The following PHEX variants were observed in gnomAD, a reference collection of about 807,000 sequenced individuals.
PHEX encodes the protein phosphate-regulating neutral endopeptidase PHEX.
PHEX carries 16 observed loss-of-function variants against 68.0 expected under a neutral mutation model. The ratio of observed to expected loss-of-function variants is 0.24; its 90% confidence interval spans 0.16 to 0.36. The LOEUF is 0.36. Among genes scored for constraint, PHEX ranks in the 10% least tolerant of loss-of-function variants. The pLI, the probability that PHEX is intolerant of heterozygous loss-of-function variation, is 1.00. For synonymous variants in PHEX, 208 were observed against 205.1 expected, an observed-to-expected ratio of 1.01 and a Z score of -0.12; for missense variants, 480 against 575.5, an observed-to-expected ratio of 0.83 and a Z score of 1.70.
At chrX:22,060,723 G>T (rs190791748) in intron 3 of PHEX, among the ~76,000 whole-genome samples, 118 of 111,466 alleles carry the variant, frequency 1.1e-3, no homozygotes, top group African/African-American at 3.7e-3. Flanking sequence ...AAGATTGTGG[G>T]CTAAATTTAG....
chrX:22,134,772 C>T (rs923843181), intron 12 of PHEX, among the ~76,000 whole-genome samples: 2 of 111,656 alleles, frequency 1.8e-5, no homozygotes, highest in Non-Finnish European at 3.8e-5. Flanking sequence ...ACCTGGGTTG[C>T]CTGGACGCTC....
chrX:22,089,962 ACT>A (rs891377792), intron 5 of PHEX, among the ~76,000 whole-genome samples: 20 of 112,181 alleles, frequency 1.8e-4, no homozygotes, highest in Admixed American at 2.8e-4. Context: ...TGATTAATCA[ACT>A]CTATACAGAT....
intron 1 of PHEX, among the ~76,000 whole-genome samples, chrX:22,036,041 T>C (rs1248699028): frequency 2.1e-5 from 1 of 47,331 alleles, no homozygotes; most frequent in African/African-American, 8.9e-5. Context: ...CGTACATATA[T>C]ATATATATAT....
Position 22,213,222 on chromosome X carries a change from C to T in PHEX, c.1700+264C>T, listed in dbSNP as rs143761086. Among the ~76,000 whole-genome samples, 2,033 of 111,983 alleles carry T rather than the reference C, an allele frequency of 0.018. 24 individuals carry two copies. The highest frequency in any genetic ancestry group is 0.042 in the Middle Eastern group (9 of 216). On this transcript the variant is annotated intron_variant, in intron 16 of 21. Transcript: ENST00000379374. ...TCTCTTACCCATTAACTCATACTAC[C>T]AGTATTTGGACATTGAAGGATTGTT...
In PHEX at chrX:22,212,930, C is replaced by A; in HGVS notation, c.1672C>A (p.Pro558Thr). The change falls in exon 16 of 22, where the codon CCT becomes ACT. Residue 558 changes from proline to threonine, a missense_variant. By Grantham distance (38) the Pro-to-Thr change is conservative (BLOSUM62 -1). Transcript: ENST00000379374. ...IRFPAGELQK[P>T]FFWGTEYPRS... ...ATTTCCAGCAGGAGAGCTCCAGAAGCCTTTCTTTTGGGGAACAGAATATCC... is the reference window on the plus strand; with the variant it reads ...ATTTCCAGCAGGAGAGCTCCAGAAGACTTTCTTTTGGGGAACAGAATATCC... 1.7e-6 allele frequency: 2 copies of A among 1,205,753 alleles called. No homozygotes were observed. Among genetic ancestry groups the A allele is most frequent in the Non-Finnish European group, 2.2e-6 (2 of 890,092 alleles).
chrX:22,062,539 A>G (rs1404327227), intron 3 of PHEX, among the ~76,000 whole-genome samples: 1 of 111,287 alleles, frequency 9.0e-6, no homozygotes, highest in East Asian at 2.8e-4. Context: ...TGTGGTGCAT[A>G]TCTTAAACTT....
chrX:22,144,208 A>G (rs1358788420), intron 12 of PHEX, among the ~76,000 whole-genome samples: 3 of 111,240 alleles, frequency 2.7e-5, no homozygotes, highest in Non-Finnish European at 3.8e-5. Context: ...GTAAGATGAC[A>G]TGTTCATTTT....
In PHEX at chrX:22,128,727, A is replaced by T. The variant is rs186091266; in HGVS notation, c.1303-4796A>T. On this transcript the variant is annotated intron_variant, in intron 11 of 21. Transcript: ENST00000379374. ...GGACATATTCAACTTTTTATTATTT[A>T]TTGGGTGCTTTCTATTATTGCTACA... Among the ~76,000 whole-genome samples, 4 of 110,870 alleles carry T rather than the reference A, an allele frequency of 3.6e-5. No homozygotes were observed. The East Asian group carries it at 1.1e-3, about 32-fold the overall frequency.
At chrX:22,239,078 C>G (rs964655190) in intron 20 of PHEX, among the ~76,000 whole-genome samples, 4 of 112,015 alleles carry the variant, frequency 3.6e-5, no homozygotes, top group African/African-American at 1.3e-4. Flanking sequence ...CTGGTGATAC[C>G]TAGCCAAACA....
chrX:22,155,832 A>G (rs1449849100), intron 12 of PHEX, among the ~76,000 whole-genome samples: 1 of 111,484 alleles, frequency 9.0e-6, no homozygotes, highest in Non-Finnish European at 1.9e-5. Context: ...GTTTTGAAAA[A>G]TGGGGAAACC....
intron 1 of PHEX, among the ~76,000 whole-genome samples, chrX:22,034,210 A>G (rs1267795500): frequency 8.9e-6 from 1 of 112,113 alleles, no homozygotes; most frequent in Non-Finnish European, 1.9e-5. Context: ...GGTTTAAACA[A>G]GGGTCCTCTG....
intron 9 of PHEX, among the ~76,000 whole-genome samples, chrX:22,108,714 G>T (rs1389775327): frequency 9.0e-6 from 1 of 111,123 alleles, no homozygotes; most frequent in Non-Finnish European, 1.9e-5. Context: ...GGCTGAGGCG[G>T]GAGGATCACC....
At chrX:22,226,650 T>C in intron 19 of PHEX, 142 bp downstream of exon 19, 1 of 557,316 alleles carries the variant, frequency 1.8e-6, no homozygotes, top group Non-Finnish European at 3.2e-6. Context: ...GAAGTGTGTC[T>C]CCCCATTGAC....
intron 13 of PHEX, chrX:22,171,200 T>C (rs966137951): frequency 2.7e-5 from 3 of 111,008 alleles, no homozygotes; most frequent in African/African-American, 9.8e-5. Context: ...CCTACAATCA[T>C]GGCGGAAAGT....
intron 16 of PHEX, among the ~76,000 whole-genome samples, chrX:22,216,110 G>A (rs150632711): frequency 2.3e-3 from 255 of 111,555 alleles, no homozygotes; most frequent in African/African-American, 7.5e-3. Flanking sequence ...ACCCAAGCAG[G>A]GTATTATAAC....
chrX:22,136,210 C>T (rs1012468122), intron 12 of PHEX, among the ~76,000 whole-genome samples: 6 of 110,923 alleles, frequency 5.4e-5, no homozygotes, highest in Non-Finnish European at 1.1e-4. Context: ...TTTTTCTCTG[C>T]TGTCCTCGAT....
intron 1 of PHEX, among the ~76,000 whole-genome samples, chrX:22,034,131 C>T (rs1163039649): frequency 6.3e-5 from 7 of 111,812 alleles, no homozygotes; most frequent in Admixed American, 9.6e-5. Context: ...TCTGATAAAG[C>T]GAAATCTCCT....
chrX:22,114,374 C>T (rs1931136952), intron 10 of PHEX, 84 bp from the exon 11 acceptor site: 1 of 899,295 alleles, frequency 1.1e-6, no homozygotes. Context: ...GTTTTGTAGA[C>T]TGTTTTCTTC....
At chrX:22,225,406 T>C (rs1935458273) in intron 18 of PHEX, among the ~76,000 whole-genome samples, 1 of 111,702 alleles carries the variant, frequency 9.0e-6, no homozygotes, top group Non-Finnish European at 1.9e-5. Flanking sequence ...AGGTAACATA[T>C]TCACAGATTC....
Sources: allele counts gnomAD v4.1 joint callset (sites outside exome capture counted in the v4.1 genomes callset), GRCh38; gene constraint gnomAD v4.1.1; transcripts MANE v1.5; gene names NCBI Gene and HGNC (gene_info 2026-07-23, HGNC 2026-07-21).